The following TPGS2 variants were observed in gnomAD, a reference collection of about 807,000 sequenced individuals.
TPGS2 encodes tubulin polyglutamylase complex subunit 2.
TPGS2 carries 26 observed loss-of-function variants against 31.1 expected under a neutral mutation model. The ratio of observed to expected loss-of-function variants is 0.84; its 90% confidence interval spans 0.61 to 1.16. TPGS2 has a LOEUF of 1.16. Among genes scored for constraint, TPGS2 ranks in the 50% most tolerant of loss-of-function variants. The pLI is 0.00. For missense variants in TPGS2, 351 were observed against 363.8 expected (o/e 0.96, Z 0.29); for synonymous variants, 130 against 136.6 (o/e 0.95, Z 0.34).
Position 36,816,611 on chromosome 18 carries a change from C to CT in TPGS2, c.165+2282dup, listed in dbSNP as rs1240289946. Reference sequence around the variant, plus strand: ...CTCACAAAAGAGCCCTGAGGCAGTTCTTTTTTTTGGGGGTGGGGACAGAGT... The same window carrying CT: ...CTCACAAAAGAGCCCTGAGGCAGTTCTTTTTTTTTGGGGGTGGGGACAGAGT... On this transcript the variant is annotated intron_variant, in intron 2 of 6. Coordinates refer to ENST00000334295, the MANE Select transcript of TPGS2 (RefSeq NM_015476.4). Among the ~76,000 whole-genome samples the CT allele has an allele frequency of 1.4e-4, 22 of 152,030 alleles. No individual in the cohort carries two copies. In the South Asian group the frequency reaches 2.9e-3, roughly 20 times the overall value.
chr18:36,811,921 A>G (rs1304940997), intron 2 of TPGS2, among the ~76,000 whole-genome samples: 2 of 152,140 alleles, frequency 1.3e-5, no homozygotes, highest in East Asian at 1.9e-4. Context: ...CAGAACCTTC[A>G]TTTTGTCTGA....
chr18:36,804,989 C>G (rs1464370826), intron 4 of TPGS2, among the ~76,000 whole-genome samples: 1 of 152,172 alleles, frequency 6.6e-6, no homozygotes, highest in Non-Finnish European at 1.5e-5. Flanking sequence ...TTGACTTTCT[C>G]AAGCAGCGAC....
Position 36,825,274 on chromosome 18 carries a change from T to A in TPGS2, c.85+3409A>T, listed in dbSNP as rs575498730. Among the ~76,000 whole-genome samples, 30 of 151,754 alleles carry A rather than the reference T, an allele frequency of 2.0e-4. No individual in the cohort carries two copies. In the South Asian group the frequency reaches 4.0e-3, roughly 20 times the overall value. ...GGTGAAACCCTGTCTCTACTAAAAA[T>A]ACAAAAAATTAGCCAGGCGTGGTGG... is the stretch of plus-strand genomic sequence containing the variant. On this transcript the variant is annotated intron_variant, in intron 1 of 6. Coordinates refer to ENST00000334295, the MANE Select transcript of TPGS2 (RefSeq NM_015476.4).
At chr18:36,798,356 C>CAGAT (rs1349941217) in intron 6 of TPGS2, 93 bp downstream of exon 6, 2 of 1,577,820 alleles carry the variant, frequency 1.3e-6, no homozygotes, top group East Asian at 2.2e-5. Flanking sequence ...TCTCCTGAAT[C>CAGAT]AGATAGGGAA....
intron 3 of TPGS2, among the ~76,000 whole-genome samples, chr18:36,806,850 TAAAAAAA>T (rs397962723): frequency 8.0e-5 from 3 of 37,328 alleles, no homozygotes; most frequent in African/African-American, 4.5e-4. Context: ...GACTCCATCT[TAAAAAAA>T]AAAAAAAAAA....
At chr18:36,797,134 T>C (rs749428392) in intron 6 of TPGS2, 84 bp from the exon 7 acceptor site, 3 of 1,565,104 alleles carry the variant, frequency 1.9e-6, no homozygotes, top group South Asian at 2.5e-5. Flanking sequence ...TGCAGGAGAG[T>C]TGGGAACAGG....
chr18:36,794,235 A>T lies in TPGS2; in HGVS notation c.*2570T>A, dbSNP rs1044330146. ...TTACATTTTAGTACCTGTAAAGGTA[A>T]TGTTTTCCTGCTGTTTGCACAAAAG... On this transcript the variant is annotated 3_prime_UTR_variant, in exon 7 of 7. Transcript: ENST00000334295. The T allele has an allele frequency of 6.2e-6, 6 of 967,468 alleles. No homozygotes were observed. The African/African-American group carries it at 8.8e-5, about 14-fold the overall frequency. 59.9% of individuals were successfully genotyped at this position (967,468 alleles called of 1,614,324 possible).
intron 6 of TPGS2, among the ~76,000 whole-genome samples, chr18:36,785,171 C>T (rs2044099741): frequency 6.6e-6 from 1 of 152,128 alleles, no homozygotes; most frequent in South Asian, 2.1e-4. Flanking sequence ...TGGTGGCATG[C>T]ACCTGTAATC....
chr18:36,787,189 TA>T (rs2044153676), intron 6 of TPGS2: 1 of 1,151,882 alleles, frequency 8.7e-7, no homozygotes. Context: ...CACAAGGTAA[TA>T]GGGGGCCTTG....
chr18:36,785,210 A>G (rs1480048817), intron 6 of TPGS2, among the ~76,000 whole-genome samples: 1 of 152,162 alleles, frequency 6.6e-6, no homozygotes, highest in Non-Finnish European at 1.5e-5. Context: ...GAGACAGGAG[A>G]ATCACTTGAA....
intron 1 of TPGS2, among the ~76,000 whole-genome samples, chr18:36,819,750 C>A (rs1197249169): frequency 1.3e-4 from 20 of 152,116 alleles, no homozygotes; most frequent in Non-Finnish European, 8.8e-5. Flanking sequence ...GTCCCCACCC[C>A]CACAAAAATA....
chr18:36,814,518 A>G (rs11660669), intron 2 of TPGS2, among the ~76,000 whole-genome samples: 18,428 of 150,564 alleles, frequency 0.12, 1,383 homozygotes, highest in Admixed American at 0.17. Context: ...TAGAATCACA[A>G]AAGACTAGAT....
chr18:36,802,416 G>T (rs1023979413), intron 4 of TPGS2, among the ~76,000 whole-genome samples: 7 of 151,936 alleles, frequency 4.6e-5, no homozygotes, highest in African/African-American at 1.5e-4. Flanking sequence ...AGAGTACAGA[G>T]TATTACCTGC....
intron 2 of TPGS2, among the ~76,000 whole-genome samples, chr18:36,810,228 TG>T (rs1362688064): frequency 6.6e-6 from 1 of 152,204 alleles, no homozygotes; most frequent in East Asian, 1.9e-4. Flanking sequence ...GTAGCTCTTC[TG>T]AGTGGGGCAA....
At chr18:36,782,770 T>A (rs1449612003), downstream of TPGS2, among the ~76,000 whole-genome samples, 1 of 152,224 alleles carries the variant, frequency 6.6e-6, no homozygotes, top group Non-Finnish European at 1.5e-5. Flanking sequence ...GCCGCTTCCT[T>A]GCCTGCCCTG....
At chr18:36,816,007 T>C (rs766510027) in intron 2 of TPGS2, among the ~76,000 whole-genome samples, 1 of 152,148 alleles carries the variant, frequency 6.6e-6, no homozygotes, top group African/African-American at 2.4e-5. Flanking sequence ...TATATTAGAT[T>C]TGGCATATTT....
At position 36,796,678 on chromosome 18, in the gene TPGS2, T is replaced by G. The variant is rs941974147; in HGVS notation, c.*127A>C. 4 of 1,454,296 alleles carry G rather than the reference T, an allele frequency of 2.8e-6. No individual in the cohort carries two copies. The African/African-American group carries it at 5.8e-5, about 21-fold the overall frequency. The allele number at this position is 1,454,296 out of a possible 1,614,324, so 90.1% of individuals were successfully genotyped here. On this transcript the variant is annotated 3_prime_UTR_variant, in exon 7 of 7. Transcript: ENST00000334295. ...CTAATGTCGGTGGGACTAAAAGCCT[T>G]ACAATTTTGGTCATTCAACTAGAAA...
At chr18:36,797,259 G>T (rs1426170404) in intron 6 of TPGS2, among the ~76,000 whole-genome samples, 1 of 152,112 alleles carries the variant, frequency 6.6e-6, no homozygotes, top group Admixed American at 6.5e-5. Flanking sequence ...TGCTTTATGA[G>T]GTCTCAGGAC....
intron 1 of TPGS2, among the ~76,000 whole-genome samples, chr18:36,819,356 T>C (rs2045799137): frequency 6.6e-6 from 1 of 152,224 alleles, no homozygotes; most frequent in Admixed American, 6.5e-5. Flanking sequence ...TTAACTTTTA[T>C]AAGACATAAA....
Sources: gnomAD v4.1 joint callset for allele counts (sites outside exome capture counted in the v4.1 genomes callset) on GRCh38, gnomAD v4.1.1 for gene constraint, MANE v1.5 for transcripts, NCBI Gene and HGNC (gene_info 2026-07-23, HGNC 2026-07-21) for gene names.